Variants in BTG4 observed in about 807,000 individuals in gnomAD.
BTG4 encodes BTG anti-proliferation factor 4.
BTG4 carries 10 observed loss-of-function variants against 19.3 expected under a neutral mutation model. The observed-to-expected ratio is 0.52, with a 90% confidence interval of 0.32 to 0.88. The LOEUF (loss-of-function observed/expected upper bound fraction) is 0.88, where lower values mean the gene tolerates loss of function less well. Ranked by LOEUF, BTG4 falls within the 40% of genes least tolerant of loss-of-function variation. The pLI is 0.04. For synonymous variants in BTG4, 91 were observed against 95.7 expected, an observed-to-expected ratio of 0.95 and a Z score of 0.29; for missense variants, 238 against 281.9, an observed-to-expected ratio of 0.84 and a Z score of 1.11.
chr11:111,461,094 C>T, the BTG4 span, among the ~76,000 whole-genome samples: 384 of 152,264 alleles, frequency 2.5e-3, 1 homozygote, highest in Non-Finnish European at 4.9e-3. Flanking sequence ...GAGGAAGCCC[C>T]GTCAGGAGGT....
the BTG4 span, among the ~76,000 whole-genome samples, chr11:111,401,213 G>A: frequency 4.6e-5 from 7 of 152,142 alleles, no homozygotes; most frequent in East Asian, 9.6e-4. Flanking sequence ...GGGGCCAGGC[G>A]CAGTGGCTCA....
the BTG4 span, chr11:111,385,245 G>A: frequency 6.6e-6 from 1 of 152,014 alleles, no homozygotes; most frequent in African/African-American, 2.4e-5. Flanking sequence ...GAGAGAAACT[G>A]AATCTTTCTG....
chr11:111,493,322 G>C (rs79865794), downstream of BTG4, among the ~76,000 whole-genome samples: 377 of 152,314 alleles, frequency 2.5e-3, 1 homozygote, highest in African/African-American at 8.4e-3. Flanking sequence ...AACAAGATGA[G>C]AAACAGTTAC....
chr11:111,482,470 T>C (rs1044923602), intron 5 of BTG4, among the ~76,000 whole-genome samples: 1 of 151,906 alleles, frequency 6.6e-6, no homozygotes, highest in Admixed American at 6.6e-5. Context: ...AAAATGTACA[T>C]GGAAAGGGAA....
chr11:111,437,243 C>A, the BTG4 span, among the ~76,000 whole-genome samples: 1 of 152,000 alleles, frequency 6.6e-6, no homozygotes, highest in Non-Finnish European at 1.5e-5. Context: ...AGCCCAGAGA[C>A]CCCCTGCTCC....
chr11:111,405,404 C>CAAAAAAAAAAAAAAAAAAAAAA, the BTG4 span, among the ~76,000 whole-genome samples: 21 of 53,036 alleles, frequency 4.0e-4, 1 homozygote, highest in African/African-American at 1.0e-3. Flanking sequence ...GACTCCGTCT[C>CAAAAAAAAAAAAAAAAAAAAAA]AAAAAAAAAA....
At chr11:111,512,817 C>G, upstream of BTG4, 1 of 327,514 alleles carries the variant, frequency 3.1e-6, no homozygotes, top group Non-Finnish European at 6.0e-6. Context: ...CCGGGGGTGT[C>G]CTCGGGGGCC....
At chr11:111,404,501 C>T in the BTG4 span, 1 of 442,712 alleles carries the variant, frequency 2.3e-6, no homozygotes, top group Non-Finnish European at 4.5e-6. Flanking sequence ...AGGTGAAGCA[C>T]ACCATGAAAC....
At chr11:111,502,724 TC>T (rs1282056794) in intron 1 of BTG4, among the ~76,000 whole-genome samples, 1 of 152,226 alleles carries the variant, frequency 6.6e-6, no homozygotes, top group Admixed American at 6.5e-5. Flanking sequence ...CATTACTTCA[TC>T]TTCCTGATGA....
the BTG4 span, chr11:111,455,466 C>T: frequency 4.3e-6 from 1 of 232,390 alleles, no homozygotes; most frequent in East Asian, 9.9e-5. Flanking sequence ...AGCCAGCCTT[C>T]GTCACCAACT....
upstream of BTG4, chr11:111,513,562 G>C: frequency 4.1e-6 from 2 of 486,054 alleles, no homozygotes; most frequent in Non-Finnish European, 8.8e-6. Context: ...AATGTGCGTG[G>C]GGAAGAGGGG....
the BTG4 span, among the ~76,000 whole-genome samples, chr11:111,402,883 T>TAAC: frequency 2.7e-5 from 4 of 148,286 alleles, no homozygotes; most frequent in African/African-American, 9.8e-5. Context: ...ATAATAATAA[T>TAAC]ACATCAGAAA....
At chr11:111,507,184 T>C (rs1866515130) in intron 1 of BTG4, among the ~76,000 whole-genome samples, 1 of 152,078 alleles carries the variant, frequency 6.6e-6, no homozygotes, top group Non-Finnish European at 1.5e-5. Context: ...TTCTTGTAAA[T>C]CAATTAATTA....
At chr11:111,401,984 A>G in the BTG4 span, among the ~76,000 whole-genome samples, 4 of 152,296 alleles carry the variant, frequency 2.6e-5, no homozygotes, top group Admixed American at 6.5e-5. Flanking sequence ...TTTTATTCAT[A>G]TATTATTTAT....
At chr11:111,504,771 T>A (rs949925526) in intron 1 of BTG4, among the ~76,000 whole-genome samples, 11 of 152,052 alleles carry the variant, frequency 7.2e-5, no homozygotes, top group African/African-American at 2.4e-4. Context: ...TTCAGTAAAG[T>A]CTCAGGATAC....
chr11:111,392,195 T>TTTG, the BTG4 span, among the ~76,000 whole-genome samples: 2 of 143,576 alleles, frequency 1.4e-5, no homozygotes, highest in Admixed American at 7.0e-5. Flanking sequence ...TTTTTTTTTT[T>TTTG]GAGACGGAGT....
the BTG4 span, among the ~76,000 whole-genome samples, chr11:111,436,476 A>G: frequency 6.6e-6 from 1 of 152,078 alleles, no homozygotes; most frequent in Admixed American, 6.5e-5. Context: ...AAATACAAAA[A>G]TTAGCTGGGC....
At chr11:111,401,786 T>C in the BTG4 span, among the ~76,000 whole-genome samples, 24 of 152,258 alleles carry the variant, frequency 1.6e-4, no homozygotes, top group Middle Eastern at 3.4e-3. Flanking sequence ...GACTATAATC[T>C]CTGTGAGGGG....
chr11:111,436,864 G>A, the BTG4 span, among the ~76,000 whole-genome samples: 133 of 152,186 alleles, frequency 8.7e-4, no homozygotes, highest in Non-Finnish European at 1.5e-3. Context: ...CCGTTGGCTC[G>A]CGTGTGGGTG....
Sources: allele counts gnomAD v4.1 joint callset (sites outside exome capture counted in the v4.1 genomes callset), GRCh38; gene constraint gnomAD v4.1.1; transcripts MANE v1.5; gene names NCBI Gene and HGNC (gene_info 2026-07-23, HGNC 2026-07-21).